Variants in DCUN1D1 observed in about 807,000 individuals in gnomAD.
DCUN1D1 encodes defective in cullin neddylation 1 domain containing 1.
In DCUN1D1, 3 loss-of-function variants were observed where a neutral mutation model predicts 39.0. The observed-to-expected ratio is 0.08, with a 90% CI of 0.04 to 0.20. DCUN1D1 has a LOEUF of 0.20. Ranked by LOEUF, DCUN1D1 falls within the 10% of genes least tolerant of loss-of-function variation. The pLI, the probability that DCUN1D1 is intolerant of heterozygous loss-of-function variation, is 1.00. For missense variants in DCUN1D1, 158 were observed against 302.4 expected (o/e 0.52, Z 3.54); for synonymous variants, 82 against 96.3 (o/e 0.85, Z 0.87).
chr3:182,958,152 C>T (rs914273792), intron 4 of DCUN1D1, among the ~76,000 whole-genome samples: 1 of 151,846 alleles, frequency 6.6e-6, no homozygotes, highest in Non-Finnish European at 1.5e-5. Context: ...TTATAAAAAA[C>T]TGTTTCCTTT....
At chr3:182,982,965 C>T (rs773185781), upstream of DCUN1D1, among the ~76,000 whole-genome samples, 6 of 152,096 alleles carry the variant, frequency 3.9e-5, no homozygotes, top group Non-Finnish European at 7.4e-5. Context: ...TATCATCTCT[C>T]CTCATCAGTA....
chr3:182,974,492 C>T (rs1024128698), intron 1 of DCUN1D1, among the ~76,000 whole-genome samples: 4 of 147,904 alleles, frequency 2.7e-5, no homozygotes, highest in East Asian at 1.9e-4. Context: ...AACCAACACA[C>T]AAAAAATGAA....
At chr3:182,964,550 CAG>C (rs1727567477) in intron 2 of DCUN1D1, among the ~76,000 whole-genome samples, 2 of 151,170 alleles carry the variant, frequency 1.3e-5, no homozygotes, top group African/African-American at 4.8e-5. Flanking sequence ...CTATACTTAT[CAG>C]AGAGGCAAAA....
At chr3:182,959,419 T>A (rs1727259422) in intron 4 of DCUN1D1, among the ~76,000 whole-genome samples, 1 of 149,000 alleles carries the variant, frequency 6.7e-6, no homozygotes, top group Non-Finnish European at 1.5e-5. Flanking sequence ...CTCAATACTT[T>A]TTCCCCCCAA....
At chr3:182,948,852 A>G (rs140096219) in intron 4 of DCUN1D1, among the ~76,000 whole-genome samples, 1,911 of 152,162 alleles carry the variant, frequency 0.013, 42 homozygotes, top group African/African-American at 0.045. Flanking sequence ...GTTCAAGACC[A>G]GCCTGGCCAA....
intron 4 of DCUN1D1, among the ~76,000 whole-genome samples, chr3:182,957,552 G>A (rs973491708): frequency 5.9e-5 from 9 of 152,046 alleles, no homozygotes; most frequent in African/African-American, 2.2e-4. Flanking sequence ...CTTGAGCCTA[G>A]GAGTTTGAGA....
chr3:182,980,547 G>T, upstream of DCUN1D1: 1 of 1,207,250 alleles, frequency 8.3e-7, no homozygotes, highest in Non-Finnish European at 1.0e-6. Context: ...ATGGACGGCG[G>T]CGGCGGCGGC....
chr3:182,977,838 G>C (rs1221639357), intron 1 of DCUN1D1, among the ~76,000 whole-genome samples: 3 of 151,786 alleles, frequency 2.0e-5, no homozygotes, highest in East Asian at 2.0e-4. Context: ...TCAAGAGTTC[G>C]AGACCAGCCA....
intron 1 of DCUN1D1, among the ~76,000 whole-genome samples, chr3:182,979,897 G>A (rs528938298): frequency 6.6e-6 from 1 of 152,142 alleles, no homozygotes; most frequent in Non-Finnish European, 1.5e-5. Flanking sequence ...GGGACGCCTC[G>A]AGAGGTGATG....
intron 1 of DCUN1D1, among the ~76,000 whole-genome samples, chr3:182,967,466 A>G (rs978553679): frequency 6.6e-6 from 1 of 152,202 alleles, no homozygotes; most frequent in Non-Finnish European, 1.5e-5. Flanking sequence ...AAAATCAAAT[A>G]TGAAAACTAG....
intron 1 of DCUN1D1, among the ~76,000 whole-genome samples, chr3:182,971,165 A>G (rs1727916200): frequency 6.6e-6 from 1 of 152,218 alleles, no homozygotes; most frequent in Non-Finnish European, 1.5e-5. Flanking sequence ...CTGTGCTTCA[A>G]TTTCTTCATC....
At chr3:182,947,692 T>TAACA (rs200820511) in intron 4 of DCUN1D1, 60 bp from the exon 5 acceptor site, 1 of 1,032,750 alleles carries the variant, frequency 9.7e-7, no homozygotes, top group Non-Finnish European at 1.4e-6. Flanking sequence ...CCTGCAAAAA[T>TAACA]AACAAACAAA....
chr3:182,973,037 C>T (rs1728028455), intron 1 of DCUN1D1, among the ~76,000 whole-genome samples: 1 of 150,888 alleles, frequency 6.6e-6, no homozygotes, highest in East Asian at 1.9e-4. Flanking sequence ...AGCGAAACTC[C>T]GTCTCAAAAA....
intron 4 of DCUN1D1, among the ~76,000 whole-genome samples, chr3:182,949,591 A>C (rs1479025854): frequency 6.6e-6 from 1 of 151,900 alleles, no homozygotes; most frequent in Non-Finnish European, 1.5e-5. Context: ...ATGGTGGTGC[A>C]TGCCTGTATT....
In DCUN1D1 at chr3:182,980,531, C is replaced by A; in HGVS notation, c.-42G>T. ...CCTCTCCCCTCCTCCTCCGGCTCCGCAGCGAATGGACGGCGGCGGCGGCGG... is the reference window on the plus strand; with the variant it reads ...CCTCTCCCCTCCTCCTCCGGCTCCGAAGCGAATGGACGGCGGCGGCGGCGG... On this transcript the variant is annotated 5_prime_UTR_variant, in exon 1 of 7. Coordinates refer to ENST00000292782, the MANE Select transcript of DCUN1D1 (RefSeq NM_020640.4). 1 of 1,233,222 alleles carries A rather than the reference C, an allele frequency of 8.1e-7. No homozygotes were observed. Among genetic ancestry groups the A allele is most frequent in the South Asian group, 1.9e-5 (1 of 51,398 alleles). 76.4% of individuals were successfully genotyped at this position (1,233,222 alleles called of 1,614,324 possible).
rs747045412 is a variant in DCUN1D1, at chr3:182,940,473, T to C, written c.*4621A>G. The C allele has an allele frequency of 2.0e-5, 3 of 152,188 alleles. No individual in the cohort carries two copies. The highest frequency in any genetic ancestry group is 4.4e-5 in the Non-Finnish European group (3 of 68,024). 9.4% of individuals were successfully genotyped at this position (152,188 alleles called of 1,614,324 possible). On this transcript the variant is annotated 3_prime_UTR_variant, in exon 7 of 7. Coordinates refer to ENST00000292782, the MANE Select transcript of DCUN1D1 (RefSeq NM_020640.4). ...GCTGCCTTCAGTGATTAAGCTGGCA[T>C]GAATTTCAGTCTGACTCCATTTCTT...
At chr3:182,970,213 A>G (rs1727863007) in intron 1 of DCUN1D1, among the ~76,000 whole-genome samples, 2 of 152,132 alleles carry the variant, frequency 1.3e-5, no homozygotes, top group African/African-American at 4.8e-5. Context: ...GCAGTGAGCT[A>G]TGATAGCGCC....
upstream of DCUN1D1, among the ~76,000 whole-genome samples, chr3:182,985,121 C>T (rs2108416241): frequency 6.6e-6 from 1 of 152,296 alleles, no homozygotes; most frequent in East Asian, 1.9e-4. Flanking sequence ...AGAATTATAA[C>T]CATTTTTTAA....
intron 1 of DCUN1D1, 69 bp downstream of exon 1, chr3:182,980,418 C>G (rs950242438): frequency 9.9e-7 from 1 of 1,010,414 alleles, no homozygotes; most frequent in African/African-American, 1.7e-5. Context: ...CGGAGGGCGG[C>G]CGGGGCGGGG....
Sources: gnomAD v4.1 joint callset for allele counts (sites outside exome capture counted in the v4.1 genomes callset) on GRCh38, gnomAD v4.1.1 for gene constraint, MANE v1.5 for transcripts, NCBI Gene and HGNC (gene_info 2026-07-23, HGNC 2026-07-21) for gene names.